The following FOCAD variants were observed in gnomAD, a reference collection of about 807,000 sequenced individuals.
The protein encoded by FOCAD is KIAA1797.
A neutral mutation model predicts 225.6 loss-of-function variants in FOCAD; 198 were observed. That is an observed-to-expected ratio of 0.88 (90% CI 0.78 to 0.99). FOCAD has a LOEUF of 0.99. FOCAD is among the 50% of genes least tolerant of loss of function. FOCAD has a pLI of 0.00. For synonymous variants in FOCAD, 897 were observed against 755.0 expected (o/e 1.19, Z -3.08); for missense variants, 2,713 against 2,123.6 (o/e 1.28, Z -5.46).
intron 5 of FOCAD, among the ~76,000 whole-genome samples, chr9:20,753,131 C>G (rs1010203971): frequency 1.3e-5 from 2 of 152,146 alleles, no homozygotes; most frequent in African/African-American, 2.4e-5. Flanking sequence ...TTCCTCTTTT[C>G]CTAACTGAAT....
At chr9:20,904,031 C>T (rs770267808) in intron 21 of FOCAD, among the ~76,000 whole-genome samples, 4 of 151,892 alleles carry the variant, frequency 2.6e-5, no homozygotes, top group South Asian at 4.1e-4. Context: ...CCATTTGTGC[C>T]TGACTTCTTT....
At chr9:20,769,016 G>C (rs559414125) in intron 7 of FOCAD, among the ~76,000 whole-genome samples, 58 of 152,134 alleles carry the variant, frequency 3.8e-4, no homozygotes, top group African/African-American at 1.3e-3. Flanking sequence ...TGCACTCAAG[G>C]AAATATATTG....
Position 20,789,578 on chromosome 9 carries a change from T to C in FOCAD, c.1425T>C (p.Thr475=). The C allele has an allele frequency of 6.2e-7, 1 of 1,613,956 alleles. No homozygotes were observed. The part of the protein sequence containing the change: ...GQNLHQILKV[T]TELAQADSSQ... ...ATCTTCACCAAATACTCAAGGTCAC[T>C]ACAGAATTAGCCCAAGCAGATTCCT... The change falls in exon 11 of 44, where the codon ACT becomes ACC. Residue 475 remains threonine, a synonymous_variant. Transcript: ENST00000338382.
intron 15 of FOCAD, among the ~76,000 whole-genome samples, chr9:20,828,997 A>G (rs1564041969): frequency 6.6e-6 from 1 of 152,136 alleles, no homozygotes; most frequent in Non-Finnish European, 1.5e-5. Context: ...ATAGTATTCC[A>G]TGGTGTATAT....
intron 5 of FOCAD, among the ~76,000 whole-genome samples, chr9:20,743,305 C>A (rs1329467885): frequency 6.6e-6 from 1 of 152,184 alleles, no homozygotes; most frequent in Admixed American, 6.5e-5. Context: ...TAAGTGTAAG[C>A]TTTCTGAGCA....
chr9:20,714,260 G>A (rs1247160786), intron 1 of FOCAD, among the ~76,000 whole-genome samples: 3 of 152,128 alleles, frequency 2.0e-5, no homozygotes, highest in African/African-American at 7.2e-5. Flanking sequence ...TGCTCAAAAA[G>A]TTTCAGATTT....
intron 28 of FOCAD, among the ~76,000 whole-genome samples, chr9:20,940,427 G>A (rs1449121836): frequency 6.6e-6 from 1 of 151,970 alleles, no homozygotes; most frequent in African/African-American, 2.4e-5. Flanking sequence ...TGGTACTACA[G>A]GCATATGCAA....
chr9:20,675,712 A>T (rs912069923), intron 2 of FOCAD, among the ~76,000 whole-genome samples: 4 of 152,160 alleles, frequency 2.6e-5, no homozygotes, highest in African/African-American at 4.8e-5. Context: ...AGCTGAAAAA[A>T]TTTTTTCCCA....
Position 20,965,031 on chromosome 9 carries a change from A to T in FOCAD, c.4133-11389A>T, listed in dbSNP as rs571954675. On this transcript the variant is annotated intron_variant, in intron 35 of 43. Transcript: ENST00000338382. The stretch of plus-strand genomic sequence containing the variant: ...AGATCAGAAGTATGGATTTATATTC[A>T]TCAACATATAAGTAATATTTGAAAC... Among the ~76,000 whole-genome samples the T allele has an allele frequency of 1.7e-3, 256 of 152,310 alleles. 4 individuals carry two copies. Among genetic ancestry groups the T allele is most frequent in the African/African-American group, 5.9e-3 (245 of 41,548 alleles).
chr9:20,834,975 A>T (rs1825858391), intron 15 of FOCAD, among the ~76,000 whole-genome samples: 1 of 152,142 alleles, frequency 6.6e-6, no homozygotes. Context: ...ATATATTTAA[A>T]ATAATTTTAC....
chr9:20,669,886 G>A (rs1344295016), intron 2 of FOCAD, among the ~76,000 whole-genome samples: 1 of 152,168 alleles, frequency 6.6e-6, no homozygotes, highest in African/African-American at 2.4e-5. Flanking sequence ...TTCTTAGTGT[G>A]GGTTCCTACA....
At chr9:20,729,195 C>T (rs530534741) in intron 4 of FOCAD, among the ~76,000 whole-genome samples, 1 of 152,242 alleles carries the variant, frequency 6.6e-6, no homozygotes, top group Admixed American at 6.5e-5. Context: ...TGCCTTGCAG[C>T]CAAAAACCAA....
At chr9:20,714,669 TTCCTTCC>T in intron 1 of FOCAD, among the ~76,000 whole-genome samples, 1 of 150,746 alleles carries the variant, frequency 6.6e-6, no homozygotes. Flanking sequence ...CCTTCCTTCC[TTCCTTCC>T]TTCCTTCCTT....
At chr9:20,944,496 C>T in intron 28 of FOCAD, 131 bp from the exon 29 acceptor site, 1 of 938,650 alleles carries the variant, frequency 1.1e-6, no homozygotes, top group Non-Finnish European at 1.6e-6. Context: ...GGCACACCAT[C>T]TACTAGGCAG....
intron 24 of FOCAD, among the ~76,000 whole-genome samples, chr9:20,918,058 T>G (rs531937819): frequency 6.6e-6 from 1 of 152,362 alleles, no homozygotes. Context: ...TTTGGTGAAT[T>G]GCAGACATAG....
intron 15 of FOCAD, among the ~76,000 whole-genome samples, chr9:20,845,172 TG>T (rs1826952804): frequency 6.6e-6 from 1 of 152,086 alleles, no homozygotes; most frequent in Admixed American, 6.6e-5. Context: ...TATTAGAATA[TG>T]CATATTGGTT....
chr9:20,859,010 C>T lies in FOCAD; in HGVS notation c.1921-3568C>T, dbSNP rs538574775. Among the ~76,000 whole-genome samples, 4 of 152,206 alleles carry T rather than the reference C, an allele frequency of 2.6e-5. No homozygotes were observed. The South Asian group carries it at 8.3e-4, about 32-fold the overall frequency. ...CTTGTTTTGTGGTCTATCATATAGT[C>T]TGTCCTTGAGAATATTTCATTTGCT... On this transcript the variant is annotated intron_variant, in intron 15 of 43. Coordinates refer to ENST00000338382, the MANE Select transcript of FOCAD (RefSeq NM_001375567.1).
chr9:20,900,032 C>T (rs1832429300), intron 21 of FOCAD, among the ~76,000 whole-genome samples: 1 of 151,910 alleles, frequency 6.6e-6, no homozygotes, highest in African/African-American at 2.4e-5. Context: ...CTCTTTTGTT[C>T]TTATGTATAC....
chr9:20,916,153 T>C (rs1833846638), intron 23 of FOCAD, among the ~76,000 whole-genome samples: 1 of 152,188 alleles, frequency 6.6e-6, no homozygotes, highest in South Asian at 2.1e-4. Context: ...TTTAACAATA[T>C]TTATAAAACC....
Sources: allele counts gnomAD v4.1 joint callset (sites outside exome capture counted in the v4.1 genomes callset), GRCh38; gene constraint gnomAD v4.1.1; transcripts MANE v1.5; gene names NCBI Gene and HGNC (gene_info 2026-07-23, HGNC 2026-07-21).